Variants in MAN1A1 observed in about 807,000 individuals in gnomAD.
MAN1A1 encodes mannosidase alpha class 1A member 1, also known as mannosyl-oligosaccharide 1,2-alpha-mannosidase IA.
In MAN1A1, 29 loss-of-function variants were observed where a neutral mutation model predicts 70.8. That is an observed-to-expected ratio of 0.41 (90% CI 0.31 to 0.56). The LOEUF (loss-of-function observed/expected upper bound fraction) is 0.56. Ranked by LOEUF, MAN1A1 falls within the 20% of genes least tolerant of loss-of-function variation. The probability of loss-of-function intolerance (pLI) is 0.29; values close to 1 mark genes in which losing one functional copy is unlikely to be tolerated. For synonymous variants in MAN1A1, 349 were observed against 330.1 expected (o/e 1.06, Z -0.62); for missense variants, 747 against 841.3 (o/e 0.89, Z 1.39).
intron 5 of MAN1A1, among the ~76,000 whole-genome samples, chr6:119,276,194 C>T (rs565074812): frequency 6.6e-6 from 1 of 152,252 alleles, no homozygotes; most frequent in South Asian, 2.1e-4. Flanking sequence ...CCGATTTGGC[C>T]TAAAGTAGTC....
At chr6:119,238,917 G>C (rs756553597) in intron 6 of MAN1A1, among the ~76,000 whole-genome samples, 1 of 151,938 alleles carries the variant, frequency 6.6e-6, no homozygotes, top group Non-Finnish European at 1.5e-5. Context: ...TTGAGACGGA[G>C]TGTTGTTCTG....
At position 119,222,082 on chromosome 6, in the gene MAN1A1, A is replaced by G. The variant is rs1774378371; in HGVS notation, c.993-17200T>C. On this transcript the variant is annotated intron_variant, in intron 6 of 12. Coordinates refer to ENST00000368468, the MANE Select transcript of MAN1A1 (RefSeq NM_005907.4). ...GCAACAAAGAACATTACAAAGAACA[A>G]TAATTTCCTCAAATGACCTAGTATG... 2.0e-5 allele frequency among the ~76,000 whole-genome samples: 3 copies of G among 152,270 alleles called. No homozygotes were observed. The South Asian group carries it at 6.2e-4, about 32-fold the overall frequency.
intron 5 of MAN1A1, among the ~76,000 whole-genome samples, chr6:119,277,466 CA>C: frequency 6.6e-6 from 1 of 152,088 alleles, no homozygotes; most frequent in South Asian, 2.1e-4. Context: ...AAATTTTTAA[CA>C]AAAACAAATT....
Position 119,348,689 on chromosome 6 carries a change from T to G in MAN1A1, c.377A>C (p.Glu126Ala). ...ALEDNLARIR[E>A]NHERALREAK... is the part of the protein sequence containing the mutation. ...TTCCCTGAGAGCCCGCTCGTGGTTTTCGCGGATCCTGGCCAAGTTGTCCTC... is the reference window on the plus strand; with the variant it reads ...TTCCCTGAGAGCCCGCTCGTGGTTTGCGCGGATCCTGGCCAAGTTGTCCTC... The change falls in exon 2 of 13, where the codon GAA (glutamate) becomes GCA (alanine). Residue 126 changes from glutamate (E) to alanine (A), a missense_variant. Coordinates refer to ENST00000368468, the MANE Select transcript of MAN1A1 (RefSeq NM_005907.4). The G allele has an allele frequency of 2.5e-6, 4 of 1,610,498 alleles. No individual in the cohort carries two copies. The highest frequency in any genetic ancestry group is 2.5e-6 in the Non-Finnish European group (3 of 1,178,656).
chr6:119,181,253 C>CT (rs1216568317), intron 11 of MAN1A1, among the ~76,000 whole-genome samples: 4 of 152,180 alleles, frequency 2.6e-5, no homozygotes, highest in Non-Finnish European at 4.4e-5. Flanking sequence ...TTTGGAGAGA[C>CT]TGCTAATGTC....
chr6:119,253,591 A>G (rs1775383985), intron 5 of MAN1A1, among the ~76,000 whole-genome samples: 1 of 152,238 alleles, frequency 6.6e-6, no homozygotes, highest in Non-Finnish European at 1.5e-5. Context: ...AGTTTGTCGA[A>G]TCCCAAAGCA....
At chr6:119,294,662 T>C (rs772935650) in intron 4 of MAN1A1, among the ~76,000 whole-genome samples, 36 of 152,208 alleles carry the variant, frequency 2.4e-4, no homozygotes, top group Admixed American at 5.2e-4. Flanking sequence ...CAAGAGGAGA[T>C]TGGAAGTTTT....
chr6:119,337,810 A>G (rs935405781), intron 2 of MAN1A1, among the ~76,000 whole-genome samples: 1 of 152,224 alleles, frequency 6.6e-6, no homozygotes, highest in Non-Finnish European at 1.5e-5. Context: ...TTAAGTAACC[A>G]CAGGAGGATT....
At chr6:119,298,636 G>A (rs1167114375) in intron 4 of MAN1A1, among the ~76,000 whole-genome samples, 4 of 141,970 alleles carry the variant, frequency 2.8e-5, no homozygotes, top group African/African-American at 5.2e-5. Flanking sequence ...TCACTCTGTT[G>A]CCCAAGCTGG....
intron 5 of MAN1A1, among the ~76,000 whole-genome samples, chr6:119,266,185 G>C (rs1775749130): frequency 6.6e-6 from 1 of 152,128 alleles, no homozygotes; most frequent in South Asian, 2.1e-4. Context: ...TCCCAACTTG[G>C]AATAATAGAT....
chr6:119,259,586 T>C (rs747154510), intron 5 of MAN1A1, among the ~76,000 whole-genome samples: 27 of 152,238 alleles, frequency 1.8e-4, no homozygotes, highest in Non-Finnish European at 3.2e-4. Context: ...TATCATATAT[T>C]ATACACTGAT....
chr6:119,213,108 A>G (rs1774098029), intron 6 of MAN1A1, among the ~76,000 whole-genome samples: 1 of 152,258 alleles, frequency 6.6e-6, no homozygotes, highest in South Asian at 2.1e-4. Context: ...TCTTCAAATT[A>G]AATGCATCTA....
At chr6:119,252,001 T>C (rs931748581) in intron 5 of MAN1A1, among the ~76,000 whole-genome samples, 2 of 152,248 alleles carry the variant, frequency 1.3e-5, no homozygotes, top group Non-Finnish European at 2.9e-5. Flanking sequence ...CCACACAAAG[T>C]TGGCCATCCT....
At chr6:119,225,248 T>A (rs1239769053) in intron 6 of MAN1A1, among the ~76,000 whole-genome samples, 1 of 152,186 alleles carries the variant, frequency 6.6e-6, no homozygotes, top group East Asian at 1.9e-4. Flanking sequence ...AAGAAAAGTA[T>A]AACTGGAGCC....
At chr6:119,316,354 C>T (rs139775778) in intron 2 of MAN1A1, among the ~76,000 whole-genome samples, 198 of 151,856 alleles carry the variant, frequency 1.3e-3, no homozygotes, top group African/African-American at 4.5e-3. Context: ...TTAGTAGAGA[C>T]GGGGTTTCGC....
chr6:119,190,269 A>C (rs1773407509), intron 9 of MAN1A1, among the ~76,000 whole-genome samples: 1 of 152,212 alleles, frequency 6.6e-6, no homozygotes, highest in Non-Finnish European at 1.5e-5. Context: ...AGGTGGATGA[A>C]GAACACAGCA....
intron 5 of MAN1A1, among the ~76,000 whole-genome samples, chr6:119,287,712 C>G (rs1330992864): frequency 6.6e-6 from 1 of 151,864 alleles, no homozygotes; most frequent in Non-Finnish European, 1.5e-5. Context: ...CAGATTTATC[C>G]TGCCATATCA....
Position 119,292,782 on chromosome 6 carries a change from T to C in MAN1A1, c.817-2019A>G, listed in dbSNP as rs1056757166. On this transcript the variant is annotated intron_variant, in intron 4 of 12. Transcript: ENST00000368468. The stretch of plus-strand genomic sequence containing the variant: ...TTTGTAATGTGCACCTGATATAATC[T>C]GATTAAAAGTACTATATATAGGTGT... Among the ~76,000 whole-genome samples the C allele has an allele frequency of 5.9e-5, 9 of 152,142 alleles. No homozygotes were observed. The East Asian group carries it at 1.5e-3, about 26-fold the overall frequency.
chr6:119,249,273 C>G (rs1395141021), intron 5 of MAN1A1, among the ~76,000 whole-genome samples: 1 of 152,174 alleles, frequency 6.6e-6, no homozygotes, highest in East Asian at 1.9e-4. Flanking sequence ...CAGGCCAAAA[C>G]ATGGAGGGCC....
Sources: allele counts gnomAD v4.1 joint callset (sites outside exome capture counted in the v4.1 genomes callset), GRCh38; gene constraint gnomAD v4.1.1; transcripts MANE v1.5; gene names NCBI Gene and HGNC (gene_info 2026-07-23, HGNC 2026-07-21).